The following TGM3 variants were observed in gnomAD, a reference collection of about 807,000 sequenced individuals.
The protein encoded by TGM3 is transglutaminase 3.
TGM3 carries 52 observed loss-of-function variants against 73.8 expected under a neutral mutation model. The ratio of observed to expected loss-of-function variants is 0.70; its 90% CI spans 0.56 to 0.89. TGM3 has a LOEUF of 0.89. TGM3 is among the 40% of genes least tolerant of loss of function. The pLI is 0.00. For synonymous variants in TGM3, 372 were observed against 354.9 expected (o/e 1.05, Z -0.54); for missense variants, 928 against 909.9 (o/e 1.02, Z -0.26).
At chr20:2,321,141 A>G (rs1378441847) in intron 7 of TGM3, among the ~76,000 whole-genome samples, 1 of 152,228 alleles carries the variant, frequency 6.6e-6, no homozygotes, top group Non-Finnish European at 1.5e-5. Flanking sequence ...GTTTCAGCCC[A>G]GAAACAACTC....
chr20:2,338,754 AAAG>A (rs371577270), intron 11 of TGM3, among the ~76,000 whole-genome samples: 128 of 152,338 alleles, frequency 8.4e-4, no homozygotes, highest in African/African-American at 2.6e-3. Flanking sequence ...GTCATCCTCA[AAAG>A]AAGAAGAAAT....
At chr20:2,329,770 A>G (rs1435444893) in intron 9 of TGM3, among the ~76,000 whole-genome samples, 1 of 152,188 alleles carries the variant, frequency 6.6e-6, no homozygotes, top group Non-Finnish European at 1.5e-5. Context: ...GAGAAGAGCA[A>G]TGCCTGTCTT....
chr20:2,322,674 T>C (rs1230221319), intron 7 of TGM3, among the ~76,000 whole-genome samples: 1 of 152,226 alleles, frequency 6.6e-6, no homozygotes, highest in Non-Finnish European at 1.5e-5. Flanking sequence ...TTAACTTCCC[T>C]GAACCTCAGT....
At chr20:2,317,547 C>T in intron 7 of TGM3, 62 bp downstream of exon 7, 6 of 1,601,914 alleles carry the variant, frequency 3.7e-6, no homozygotes, top group Non-Finnish European at 5.1e-6. Context: ...CTCGCTCTCA[C>T]CATCCTTCTG....
intron 1 of TGM3, among the ~76,000 whole-genome samples, chr20:2,300,236 A>AAAAGAAAGAAAGAAAAAAAG: frequency 6.8e-6 from 1 of 147,904 alleles, no homozygotes; most frequent in East Asian, 2.0e-4. Context: ...AAGAAAGAAA[A>AAAAGAAAGAAAGAAAAAAAG]AAAGAAAGAA....
intron 7 of TGM3, among the ~76,000 whole-genome samples, chr20:2,324,854 C>T (rs565295916): frequency 6.6e-6 from 1 of 152,316 alleles, no homozygotes; most frequent in East Asian, 1.9e-4. Context: ...GTGCTTTGAT[C>T]ATGCTCAGGT....
At position 2,332,648 on chromosome 20, in the gene TGM3, C is replaced by T. The variant is rs1310734856; in HGVS notation, c.1642+338C>T. Among the ~76,000 whole-genome samples the T allele has an allele frequency of 6.6e-6, 1 of 152,166 alleles. No homozygotes were observed. Among genetic ancestry groups the T allele is most frequent in the Non-Finnish European group, 1.5e-5 (1 of 68,036 alleles). On this transcript the variant is annotated intron_variant, in intron 10 of 12. Coordinates refer to ENST00000381458, the MANE Select transcript of TGM3 (RefSeq NM_003245.4). This position sits in a 1 kb window ranked among gnomAD's most constrained non-coding sequence, Gnocchi z 4.4. ...CTAAAAAAAGGCAGATTTTCAGTGTCCATCTTATAGAAGCAGAAAGTGAGG... is the reference window on the plus strand; with the variant it reads ...CTAAAAAAAGGCAGATTTTCAGTGTTCATCTTATAGAAGCAGAAAGTGAGG...
chr20:2,319,554 C>T (rs1291191136), intron 7 of TGM3, among the ~76,000 whole-genome samples: 3 of 152,126 alleles, frequency 2.0e-5, no homozygotes, highest in African/African-American at 7.2e-5. Context: ...ATTCACACTG[C>T]CCCCCACATC....
At chr20:2,325,222 G>A (rs1010078903) in intron 7 of TGM3, among the ~76,000 whole-genome samples, 3 of 152,192 alleles carry the variant, frequency 2.0e-5, no homozygotes, top group Non-Finnish European at 2.9e-5. Flanking sequence ...GGCAGAATTG[G>A]GGGACAGAAT....
rs781558155 is a variant in TGM3, at chr20:2,312,886, C to T, written c.541-12C>T. On this transcript the variant is annotated splice_polypyrimidine_tract_variant and intron_variant, in intron 4 of 12. Coordinates refer to ENST00000381458, the MANE Select transcript of TGM3 (RefSeq NM_003245.4). ...TTTCTTTAATTGTAATGTATGGTCT[C>T]GTTCTGAACAGTTTGAAGAAGACAT... 7.4e-5 allele frequency: 120 copies of T among 1,613,856 alleles called. No homozygotes were observed. The highest frequency in any genetic ancestry group is 9.8e-5 in the Non-Finnish European group (116 of 1,179,946).
At chr20:2,317,022 A>C (rs1366795361) in intron 5 of TGM3, 46 bp from the exon 6 acceptor site, 1 of 1,599,894 alleles carries the variant, frequency 6.3e-7, no homozygotes, top group South Asian at 1.1e-5. Flanking sequence ...TCTCCCTAGG[A>C]AAGGCATTAG....
chr20:2,302,442 G>C (rs1159353466), intron 1 of TGM3, among the ~76,000 whole-genome samples: 1 of 152,136 alleles, frequency 6.6e-6, no homozygotes, highest in Non-Finnish European at 1.5e-5. Flanking sequence ...AAAAACAATA[G>C]CTTAGAAAAA....
chr20:2,325,476 G>T (rs983611504), intron 7 of TGM3, among the ~76,000 whole-genome samples: 1 of 152,178 alleles, frequency 6.6e-6, no homozygotes, highest in African/African-American at 2.4e-5. Flanking sequence ...AGCTGTGTGG[G>T]TTTGCCCCTG....
chr20:2,302,607 C>T (rs1051889122), intron 1 of TGM3, among the ~76,000 whole-genome samples: 5 of 150,734 alleles, frequency 3.3e-5, no homozygotes, highest in Non-Finnish European at 5.9e-5. Flanking sequence ...CTAAGATGTC[C>T]GCTAGAGGCT....
intron 12 of TGM3, 46 bp downstream of exon 12, chr20:2,340,033 C>CGGGAGGGGGTGGG: frequency 5.1e-6 from 1 of 196,586 alleles, no homozygotes; most frequent in Non-Finnish European, 9.7e-6. Flanking sequence ...CGGGAGGGGG[C>CGGGAGGGGGTGGG]GGGGGGGCCC....
At chr20:2,327,995 G>C (rs746603327) in intron 8 of TGM3, 125 bp from the exon 9 acceptor site, 3 of 1,362,856 alleles carry the variant, frequency 2.2e-6, no homozygotes, top group Non-Finnish European at 3.1e-6. Context: ...CACACAGTCA[G>C]GGGTGAAGGA....
chr20:2,302,056 T>C (rs988600578), intron 1 of TGM3, among the ~76,000 whole-genome samples: 1 of 152,126 alleles, frequency 6.6e-6, no homozygotes, highest in Non-Finnish European at 1.5e-5. Context: ...AAAATAAAAA[T>C]GCATCTATGT....
At chr20:2,302,168 G>A (rs886752371) in intron 1 of TGM3, among the ~76,000 whole-genome samples, 1 of 152,190 alleles carries the variant, frequency 6.6e-6, no homozygotes, top group African/African-American at 2.4e-5. Context: ...CAGCCCCTCT[G>A]TGGTGTGGTC....
Position 2,317,253 on chromosome 20 carries a change from G to A in TGM3, c.847+8G>A. On this transcript the variant is annotated splice_region_variant and intron_variant, in intron 6 of 12. Coordinates refer to ENST00000381458, the MANE Select transcript of TGM3 (RefSeq NM_003245.4). ...CTGGGACCCTCAACACAGGTACCTT[G>A]GGTGTGGTGTGCCTTGGCTGGGTCA... The A allele has an allele frequency of 6.2e-7, 1 of 1,614,048 alleles. No individual in the cohort carries two copies. Among genetic ancestry groups the A allele is most frequent in the Non-Finnish European group, 8.5e-7 (1 of 1,179,944 alleles).
Sources: gnomAD v4.1 joint callset for allele counts (sites outside exome capture counted in the v4.1 genomes callset) on GRCh38, gnomAD v4.1.1 for gene constraint, Gnocchi (gnomAD v3.1) non-coding constraint, MANE v1.5 for transcripts, NCBI Gene and HGNC (gene_info 2026-07-23, HGNC 2026-07-21) for gene names.